VPS37B: variants seen among roughly 807,000 people sequenced by gnomAD.
The protein encoded by VPS37B is VPS37B subunit of ESCRT-I.
In VPS37B, 11 loss-of-function variants were observed where a neutral mutation model predicts 21.2. The ratio of observed to expected loss-of-function variants is 0.52; its 90% CI spans 0.33 to 0.86. The LOEUF (loss-of-function observed/expected upper bound fraction) is 0.86. Among genes scored for constraint, VPS37B ranks in the 40% least tolerant of loss-of-function variants. The pLI, the probability that VPS37B is intolerant of heterozygous loss-of-function variation, is 0.03. For synonymous variants in VPS37B, 175 were observed against 159.6 expected, an observed-to-expected ratio of 1.10 and a Z score of -0.73; for missense variants, 389 against 374.8, an observed-to-expected ratio of 1.04 and a Z score of -0.31.
rs201537364 is a variant in VPS37B, at chr12:122,867,371, G to A, written c.603C>T (p.Ala201=). The A allele has an allele frequency of 8.4e-4, 1,351 of 1,603,522 alleles. 13 individuals are homozygous for A. In the African/African-American group the frequency reaches 0.016, roughly 19 times the overall value. Residue 201 remains alanine (A), a synonymous_variant, in exon 4 of 4, where the codon GCC becomes GCT. Transcript: ENST00000267202. This position sits in a 1 kb window ranked among gnomAD's most constrained non-coding sequence, Gnocchi z 5.5. ...YPAPEASGPP[A]VAPRRIPPPP... ...GGGGGGGGATGCGCCGAGGTGCAAC[G>A]GCAGGAGGCCCACTGGCCTCTGGGG...
At position 122,867,753 on chromosome 12, in the gene VPS37B, A is replaced by G; in HGVS notation, c.367-146T>C. 1 of 1,076,150 alleles carries G rather than the reference A, an allele frequency of 9.3e-7. No homozygotes were observed. Among genetic ancestry groups the G allele is most frequent in the South Asian group, 1.4e-5 (1 of 71,696 alleles). 66.7% of individuals were successfully genotyped at this position (1,076,150 alleles called of 1,614,324 possible). Reference sequence around the variant, plus strand: ...ACCCAGAGGGCCTCGCTCCTGCTCCAGATCCCAGAGGTCATGGGCTCAGGC... The same window carrying G: ...ACCCAGAGGGCCTCGCTCCTGCTCCGGATCCCAGAGGTCATGGGCTCAGGC... On this transcript the variant is annotated intron_variant, in intron 3 of 3. Coordinates refer to ENST00000267202, the MANE Select transcript of VPS37B (RefSeq NM_024667.3). This position sits in a 1 kb window ranked among gnomAD's most constrained non-coding sequence, Gnocchi z 5.5.
intron 1 of VPS37B, 84 bp downstream of exon 1, chr12:122,895,868 G>T (rs1041754388): frequency 3.9e-6 from 5 of 1,285,430 alleles, no homozygotes; most frequent in Non-Finnish European, 5.6e-6. Flanking sequence ...AGGCGCCGCG[G>T]TCGCCTCCGC....
intron 1 of VPS37B, chr12:122,875,582 T>C (rs1360910377): frequency 1.3e-5 from 2 of 152,040 alleles, no homozygotes; most frequent in Non-Finnish European, 1.5e-5. Flanking sequence ...AATCTTTTCA[T>C]TGTTACAGTT....
intron 1 of VPS37B, chr12:122,885,804 C>T (rs2135709827): frequency 6.7e-6 from 1 of 149,514 alleles, no homozygotes; most frequent in African/African-American, 2.5e-5. Context: ...CTGCCTCAGC[C>T]TCCCGAGTAG....
At chr12:122,872,507 T>G in intron 1 of VPS37B, 1 of 985,414 alleles carries the variant, frequency 1.0e-6, no homozygotes, top group South Asian at 4.7e-5. Context: ...TTCTGATGCC[T>G]TTAGCAAAAA....
Position 122,867,572 on chromosome 12 carries a change from A to G in VPS37B, c.402T>C (p.Pro134=). The G allele has an allele frequency of 6.2e-7, 1 of 1,613,824 alleles. No individual in the cohort carries two copies. Among genetic ancestry groups the G allele is most frequent in the Non-Finnish European group, 8.5e-7 (1 of 1,180,002 alleles). ...MAEKFLDGEL[P]LDSFIDVYQS... Reference sequence around the variant, plus strand: ...GATAGACATCAATGAAGGAATCCAGAGGAAGTTCTCCATCCAGAAACTTCT... The same window carrying G: ...GATAGACATCAATGAAGGAATCCAGGGGAAGTTCTCCATCCAGAAACTTCT... Residue 134 remains proline, a synonymous_variant, in exon 4 of 4, where the codon CCT becomes CCC. Transcript: ENST00000267202. The surrounding 1 kb of genome is among the most constrained non-coding windows in gnomAD (Gnocchi z 5.5).
chr12:122,890,742 T>A (rs1315842985), intron 1 of VPS37B, among the ~76,000 whole-genome samples: 1 of 152,204 alleles, frequency 6.6e-6, no homozygotes, highest in Non-Finnish European at 1.5e-5. Context: ...AGTACATTCA[T>A]ATTATTATGC....
intron 1 of VPS37B, chr12:122,881,401 G>C (rs900372434): frequency 2.0e-5 from 3 of 152,344 alleles, no homozygotes; most frequent in Non-Finnish European, 4.4e-5. Flanking sequence ...CTTGAGCCTA[G>C]GAGTTCAAGG....
At chr12:122,891,872 C>CTGT (rs2034416902) in intron 1 of VPS37B, among the ~76,000 whole-genome samples, 1 of 152,216 alleles carries the variant, frequency 6.6e-6, no homozygotes, top group African/African-American at 2.4e-5. Context: ...CACAAAACAA[C>CTGT]CTGTCTTTCA....
intron 1 of VPS37B, chr12:122,887,129 TA>T (rs1319425241): frequency 6.6e-6 from 1 of 152,248 alleles, no homozygotes; most frequent in Non-Finnish European, 1.5e-5. Context: ...GGCTCTGCTA[TA>T]AGTCCAGTAT....
intron 2 of VPS37B, chr12:122,869,916 A>C (rs1325876459): frequency 6.6e-6 from 1 of 152,158 alleles, no homozygotes; most frequent in Non-Finnish European, 1.5e-5. Flanking sequence ...CTCTGACTTT[A>C]TCTAAATGTC....
rs933280550 is a variant in VPS37B at position 122,867,851 on chromosome 12, G to A, written c.367-244C>T. Among the ~76,000 whole-genome samples the A allele has an allele frequency of 6.6e-6, 1 of 152,218 alleles. No individual in the cohort carries two copies. Among genetic ancestry groups the A allele is most frequent in the East Asian group, 1.9e-4 (1 of 5,188 alleles). The stretch of plus-strand genomic sequence containing the variant: ...CACCCCACCACCAGCGTGACAGGCA[G>A]AGGAGCTGGCCTTTGGGTGAGGGCT... On this transcript the variant is annotated intron_variant, in intron 3 of 3. Coordinates refer to ENST00000267202, the MANE Select transcript of VPS37B (RefSeq NM_024667.3). The surrounding 1 kb of genome is among the most constrained non-coding windows in gnomAD (Gnocchi z 5.5).
chr12:122,885,736 T>G (rs1335042947), intron 1 of VPS37B: 1 of 131,226 alleles, frequency 7.6e-6, no homozygotes, highest in African/African-American at 2.8e-5. Context: ...CAGGCTGGAG[T>G]GCAGTGGCGC....
rs2033924566 is a variant in VPS37B at position 122,867,342 on chromosome 12, G to A, written c.632C>T (p.Pro211Leu). The part of the protein sequence containing the change: ...AVAPRRIPPP[P>L]PPVPAGRLAT... ...TAAGCGTCCCGCAGGCACCGGGGGTGGTGGGGGGGGGATGCGCCGAGGTGC... is the reference window on the plus strand; with the variant it reads ...TAAGCGTCCCGCAGGCACCGGGGGTAGTGGGGGGGGGATGCGCCGAGGTGC... Residue 211 changes from proline to leucine, a missense_variant, in exon 4 of 4, where the codon CCA (proline) becomes CTA (leucine). Transcript: ENST00000267202. This position sits in a 1 kb window ranked among gnomAD's most constrained non-coding sequence, Gnocchi z 5.5. The A allele has an allele frequency of 3.1e-6, 5 of 1,597,862 alleles. No individual in the cohort carries two copies. Among genetic ancestry groups the A allele is most frequent in the Non-Finnish European group, 4.3e-6 (5 of 1,173,032 alleles).
Position 122,896,084 on chromosome 12 carries a change from GCCA to G in VPS37B, c.-25_-23del. On this transcript the variant is annotated 5_prime_UTR_variant, in exon 1 of 4. Transcript: ENST00000267202. The stretch of plus-strand genomic sequence containing the variant: ...CCATCCCCACGTCTCGGCCGTCGTC[GCCA>G]CCGCCGCTGCGGCCACCAGGCTCCG... The G allele has an allele frequency of 3.9e-6, 6 of 1,551,008 alleles. No individual in the cohort carries two copies. Among genetic ancestry groups the G allele is most frequent in the Non-Finnish European group, 5.2e-6 (6 of 1,156,812 alleles).
Position 122,866,360 on chromosome 12 carries a change from C to A in VPS37B, c.*756G>T, listed in dbSNP as rs1367943042. On this transcript the variant is annotated 3_prime_UTR_variant, in exon 4 of 4. Coordinates refer to ENST00000267202, the MANE Select transcript of VPS37B (RefSeq NM_024667.3). ...CAATATAAAACAGGAAAATCACACA[C>A]GTAGTAAAAATATTGGGGGATTATT... 1.3e-5 allele frequency: 2 copies of A among 152,594 alleles called. No individual in the cohort carries two copies. The highest frequency in any genetic ancestry group is 2.9e-5 in the Non-Finnish European group (2 of 68,034). 9.5% of individuals were successfully genotyped at this position (152,594 alleles called of 1,614,324 possible). A position where few individuals can be genotyped will look rare whatever the true frequency, so the allele number is the denominator to read the frequency against.
At chr12:122,884,340 T>G (rs1243234147) in intron 1 of VPS37B, 1 of 152,242 alleles carries the variant, frequency 6.6e-6, no homozygotes, top group Non-Finnish European at 1.5e-5. Flanking sequence ...ATTCTTCCAC[T>G]TCCCCTATCT....
intron 1 of VPS37B, among the ~76,000 whole-genome samples, chr12:122,891,133 C>G (rs1226779169): frequency 6.6e-6 from 1 of 152,202 alleles, no homozygotes; most frequent in African/African-American, 2.4e-5. Flanking sequence ...ATTAAAAAGA[C>G]TAAATACTTG....
rs557582502 is a variant in VPS37B at position 122,890,942 on chromosome 12, G to A, written c.111+5010C>T. Among the ~76,000 whole-genome samples the A allele has an allele frequency of 1.1e-4, 17 of 152,230 alleles. 1 individual carries two copies. The South Asian group carries it at 3.1e-3, about 28-fold the overall frequency. On this transcript the variant is annotated intron_variant, in intron 1 of 3. Coordinates refer to ENST00000267202, the MANE Select transcript of VPS37B (RefSeq NM_024667.3). ...TGTTCAAGAGCTGTGGAACTGAAATGGAATCTTCCATTTGGGCATCAAGGA... is the reference window on the plus strand; with the variant it reads ...TGTTCAAGAGCTGTGGAACTGAAATAGAATCTTCCATTTGGGCATCAAGGA...
Sources: allele counts gnomAD v4.1 joint callset (sites outside exome capture counted in the v4.1 genomes callset), GRCh38; gene constraint gnomAD v4.1.1; non-coding constraint Gnocchi (gnomAD v3.1); transcripts MANE v1.5; gene names NCBI Gene and HGNC (gene_info 2026-07-23, HGNC 2026-07-21).